OR51B5: variants seen among roughly 807,000 people sequenced by gnomAD.
OR51B5 encodes olfactory receptor family 51 subfamily B member 5.
For synonymous variants in OR51B5, 186 were observed against 144.8 expected (o/e 1.28, Z -2.04); for missense variants, 456 against 374.6 (o/e 1.22, Z -1.79).
At chr11:5,460,131 CA>C (rs1298114044) in intron 1 of OR51B5, among the ~76,000 whole-genome samples, 1 of 152,106 alleles carries the variant, frequency 6.6e-6, no homozygotes, top group East Asian at 1.9e-4. Context: ...TTATTCTTAG[CA>C]AACTAATGCA....
intron 1 of OR51B5, among the ~76,000 whole-genome samples, chr11:5,398,926 T>G (rs2736529): frequency 0.12 from 18,588 of 152,154 alleles, 1,276 homozygotes; most frequent in East Asian, 0.24. Flanking sequence ...TAGAGCAGTG[T>G]GAGAATGAAC....
chr11:5,481,599 T>C (rs1267614481), intron 1 of OR51B5, among the ~76,000 whole-genome samples: 1 of 150,316 alleles, frequency 6.7e-6, no homozygotes, highest in Non-Finnish European at 1.5e-5. Context: ...TGAATGTGTA[T>C]CTAGAAAACC....
intron 1 of OR51B5, among the ~76,000 whole-genome samples, chr11:5,369,165 CA>C (rs201461923): frequency 0.055 from 8,349 of 152,148 alleles, 1 homozygote; most frequent in South Asian, 0.089. Context: ...TAAAAATAGG[CA>C]TTCATTCATT....
intron 1 of OR51B5, among the ~76,000 whole-genome samples, chr11:5,376,320 G>A (rs1337440976): frequency 1.3e-5 from 2 of 152,122 alleles, no homozygotes; most frequent in African/African-American, 4.8e-5. Context: ...TCAGTGTGTA[G>A]GGGGAAATTT....
intron 1 of OR51B5, among the ~76,000 whole-genome samples, chr11:5,464,758 T>G (rs1387628946): frequency 2.0e-5 from 3 of 152,192 alleles, no homozygotes; most frequent in Non-Finnish European, 4.4e-5. Context: ...CGTGTGCATG[T>G]GTCTTTACAG....
chr11:5,461,665 A>G (rs1851056222), intron 1 of OR51B5, among the ~76,000 whole-genome samples: 1 of 152,154 alleles, frequency 6.6e-6, no homozygotes, highest in Non-Finnish European at 1.5e-5. Flanking sequence ...TGTCTCTGTC[A>G]ACTCTCTGGG....
chr11:5,453,598 T>G, intron 1 of OR51B5: 1 of 1,613,646 alleles, frequency 6.2e-7, no homozygotes, highest in Admixed American at 1.7e-5. Flanking sequence ...ATGTATGCTG[T>G]GGCCCTTGGG....
At chr11:5,361,152 G>A (rs1018187597) in intron 1 of OR51B5, among the ~76,000 whole-genome samples, 1 of 108,830 alleles carries the variant, frequency 9.2e-6, no homozygotes, top group Non-Finnish European at 2.1e-5. Context: ...ATAAAAGAAA[G>A]AAAGAAAGAA....
intron 1 of OR51B5, among the ~76,000 whole-genome samples, chr11:5,496,913 C>T: frequency 6.6e-6 from 1 of 152,162 alleles, no homozygotes; most frequent in East Asian, 1.9e-4. Flanking sequence ...CTAGACAGCA[C>T]TTCATTAGAG....
At chr11:5,360,744 A>C (rs1371747004) in intron 1 of OR51B5, among the ~76,000 whole-genome samples, 1 of 149,728 alleles carries the variant, frequency 6.7e-6, no homozygotes, top group Non-Finnish European at 1.5e-5. Flanking sequence ...ACCAACCCAA[A>C]TGTCCAACAA....
At chr11:5,459,501 T>G (rs530042062) in intron 1 of OR51B5, among the ~76,000 whole-genome samples, 73 of 137,582 alleles carry the variant, frequency 5.3e-4, no homozygotes, top group African/African-American at 1.8e-3. Context: ...GATGTATGCT[T>G]TGCAGATATT....
chr11:5,361,131 AAAGTAT>A lies in OR51B5; in HGVS notation n.85-14227_85-14222del, dbSNP rs1262005610. Among the ~76,000 whole-genome samples, 10 of 139,824 alleles carry A rather than the reference AAAGTAT, an allele frequency of 7.2e-5. 1 individual carries two copies. In the South Asian group the frequency reaches 1.2e-3, roughly 16 times the overall value. 91.7% of individuals were successfully genotyped at this position (139,824 alleles called of 152,430 possible). Reference sequence around the variant, plus strand: ...GTTGTGCAAATGTACCCTAAAACTTAAAGTATAATAATAAAAGAAAGAAAGAAAGAA... The same window carrying A: ...GTTGTGCAAATGTACCCTAAAACTTAAATAATAAAAGAAAGAAAGAAAGAA... On this transcript the variant is annotated intron_variant and non_coding_transcript_variant, in intron 1 of 4. Transcript: ENST00000415970.
chr11:5,377,722 G>T (rs369921978), intron 1 of OR51B5, among the ~76,000 whole-genome samples: 4 of 152,098 alleles, frequency 2.6e-5, no homozygotes, highest in Non-Finnish European at 5.9e-5. Flanking sequence ...TTGCTTCAAA[G>T]AGAATAAAAT....
At position 5,431,960 on chromosome 11, in the gene OR51B5, T is replaced by C. The variant is rs115630489; in HGVS notation, n.84+73609A>G. Among the ~76,000 whole-genome samples the C allele has an allele frequency of 5.6e-3, 858 of 152,350 alleles. 8 individuals are homozygous for C. Among genetic ancestry groups the C allele is most frequent in the African/African-American group, 0.02 (828 of 41,580 alleles). ...CATTGTGTCACATGCATAAAATGTATAATCGTCAAGTCGAAGTACTTAGGA... is the reference window on the plus strand; with the variant it reads ...CATTGTGTCACATGCATAAAATGTACAATCGTCAAGTCGAAGTACTTAGGA... On this transcript the variant is annotated intron_variant and non_coding_transcript_variant, in intron 1 of 4. Transcript: ENST00000415970.
At chr11:5,397,132 A>ACATAG (rs907654615) in intron 1 of OR51B5, among the ~76,000 whole-genome samples, 1 of 152,258 alleles carries the variant, frequency 6.6e-6, no homozygotes, top group African/African-American at 2.4e-5. Context: ...ACCATTCAGG[A>ACATAG]CATAGGCATG....
intron 1 of OR51B5, among the ~76,000 whole-genome samples, chr11:5,380,867 T>C (rs1186540601): frequency 6.6e-6 from 1 of 152,140 alleles, no homozygotes; most frequent in Non-Finnish European, 1.5e-5. Context: ...CACATTTTCT[T>C]GTGCCCTGGG....
At chr11:5,456,771 T>C (rs2133790521) in intron 1 of OR51B5, among the ~76,000 whole-genome samples, 1 of 152,272 alleles carries the variant, frequency 6.6e-6, no homozygotes, top group South Asian at 2.1e-4. Context: ...TCCCCATTGC[T>C]GAAGGTGGGG....
chr11:5,344,649 C>G (rs1376841389), upstream of OR51B5, among the ~76,000 whole-genome samples: 1 of 152,158 alleles, frequency 6.6e-6, no homozygotes, highest in East Asian at 1.9e-4. Context: ...CAACACCTTG[C>G]AAAGTATCTA....
intron 1 of OR51B5, among the ~76,000 whole-genome samples, chr11:5,348,743 C>T (rs538286362): frequency 3.3e-5 from 5 of 152,242 alleles, no homozygotes; most frequent in African/African-American, 9.6e-5. Context: ...GTCTGCCTCT[C>T]CCAGTCTACT....
Sources: allele counts gnomAD v4.1 joint callset (sites outside exome capture counted in the v4.1 genomes callset), GRCh38; gene constraint gnomAD v4.1.1; transcripts MANE v1.5; gene names NCBI Gene and HGNC (gene_info 2026-07-23, HGNC 2026-07-21).